CASD1: variants seen among roughly 807,000 people sequenced by gnomAD.
The protein encoded by CASD1 is N-acetylneuraminate (7)9-O-acetyltransferase.
Under a neutral mutation model 100.0 loss-of-function variants are expected in CASD1, and 41 were observed. That is an observed-to-expected ratio of 0.41 (90% CI 0.32 to 0.53). The LOEUF (loss-of-function observed/expected upper bound fraction) is 0.53. Ranked by LOEUF, CASD1 falls within the 20% of genes least tolerant of loss-of-function variation. The pLI, the probability that CASD1 is intolerant of heterozygous loss-of-function variation, is 0.25. For synonymous variants in CASD1, 321 were observed against 315.6 expected, an observed-to-expected ratio of 1.02 and a Z score of -0.18; for missense variants, 774 against 948.7, an observed-to-expected ratio of 0.82 and a Z score of 2.42.
rs1275682142 is a variant in CASD1, at chr7:94,539,061, GTATT to G, written c.1356+7_1356+10del. ...CACATTTCTGGAGCAAGTACAGTAA[GTATT>G]TGGAATTTAAGTTCAGAAAGTATAG... On this transcript the variant is annotated splice_donor_region_variant and intron_variant, in intron 10 of 17. Coordinates refer to ENST00000297273, the MANE Select transcript of CASD1 (RefSeq NM_022900.5). 1 of 1,555,954 alleles carries G rather than the reference GTATT, an allele frequency of 6.4e-7. No homozygotes were observed. The highest frequency in any genetic ancestry group is 1.7e-5 in the Admixed American group (1 of 59,358).
the CASD1 span, among the ~76,000 whole-genome samples, chr7:94,606,392 CATAATG>C: frequency 6.6e-6 from 1 of 152,180 alleles, no homozygotes; most frequent in African/African-American, 2.4e-5. Context: ...AAAGGCATTA[CATAATG>C]ATAAAGAGGT....
chr7:94,619,131 T>C, the CASD1 span: 1 of 613,694 alleles, frequency 1.6e-6, no homozygotes, highest in Non-Finnish European at 2.9e-6. Context: ...AAAACATAAC[T>C]GACATTAGAA....
the CASD1 span, among the ~76,000 whole-genome samples, chr7:94,606,109 G>A: frequency 0.013 from 1,916 of 152,212 alleles, 44 homozygotes; most frequent in African/African-American, 0.044. Context: ...GATTACAGGC[G>A]TGAGCTACCA....
At chr7:94,528,309 C>G in intron 5 of CASD1, 59 bp downstream of exon 5, 1 of 1,230,758 alleles carries the variant, frequency 8.1e-7, no homozygotes, top group South Asian at 1.3e-5. Flanking sequence ...TTTACACAAG[C>G]ATATTTTTAT....
At chr7:94,586,213 A>G in the CASD1 span, among the ~76,000 whole-genome samples, 1 of 152,142 alleles carries the variant, frequency 6.6e-6, no homozygotes, top group Non-Finnish European at 1.5e-5. Context: ...TGACATGTGC[A>G]TAATGTTCTG....
the CASD1 span, among the ~76,000 whole-genome samples, chr7:94,613,103 G>C: frequency 6.6e-6 from 1 of 152,138 alleles, no homozygotes; most frequent in East Asian, 1.9e-4. Context: ...TGAATGAAAA[G>C]CATTATACCA....
the CASD1 span, chr7:94,626,558 C>T: frequency 6.6e-6 from 1 of 151,834 alleles, no homozygotes; most frequent in Non-Finnish European, 1.5e-5. Context: ...AGAAATATAA[C>T]AGTAATTTAT....
chr7:94,527,505 G>T (rs1165247306), intron 4 of CASD1, among the ~76,000 whole-genome samples: 2 of 151,908 alleles, frequency 1.3e-5, no homozygotes, highest in African/African-American at 2.4e-5. Flanking sequence ...GACAAAAATG[G>T]CCTTGACCTA....
At chr7:94,554,417 A>G in intron 16 of CASD1, 66 bp from the exon 17 acceptor site, 3 of 1,017,672 alleles carry the variant, frequency 2.9e-6, no homozygotes, top group Non-Finnish European at 2.9e-6. Flanking sequence ...ATTTAAAAGA[A>G]AGCTTTATAC....
At chr7:94,571,107 A>G in the CASD1 span, among the ~76,000 whole-genome samples, 4 of 151,166 alleles carry the variant, frequency 2.6e-5, no homozygotes, top group Non-Finnish European at 4.4e-5. Flanking sequence ...GCAATAGTGC[A>G]ATCACAGCTC....
chr7:94,613,854 A>G, the CASD1 span, among the ~76,000 whole-genome samples: 1 of 152,172 alleles, frequency 6.6e-6, no homozygotes, highest in African/African-American at 2.4e-5. Context: ...AAGCAGCAGC[A>G]CAAAACTTCC....
rs1360245827 is a variant in CASD1 at position 94,551,388 on chromosome 7, G to A, written c.1866G>A (p.Lys622=). 3 of 1,557,604 alleles carry A rather than the reference G, an allele frequency of 1.9e-6. No individual in the cohort carries two copies. The highest frequency in any genetic ancestry group is 1.4e-5 in the African/African-American group (1 of 70,912). The change falls in exon 15 of 18, where the codon AAG becomes AAA. Residue 622 remains lysine, a synonymous_variant. Coordinates refer to ENST00000297273, the MANE Select transcript of CASD1 (RefSeq NM_022900.5). ...CTTTTATTTATCTGGCTTTGCAGAA[G>A]CGTCAAATACTTTCTGAAGGAAAGG... ...LFAFIYLALQ[K]RQILSEGKGE... is the part of the protein sequence containing the mutation.
At chr7:94,572,339 T>TTAAA in the CASD1 span, among the ~76,000 whole-genome samples, 2 of 152,228 alleles carry the variant, frequency 1.3e-5, no homozygotes, top group Non-Finnish European at 2.9e-5. Flanking sequence ...CACTTTCAAC[T>TTAAA]TATTTGAGTC....
the CASD1 span, among the ~76,000 whole-genome samples, chr7:94,573,436 C>T: frequency 6.6e-6 from 1 of 152,074 alleles, no homozygotes. Context: ...TTGTAGAGAT[C>T]TTTCACCTCC....
At chr7:94,593,579 T>C in the CASD1 span, among the ~76,000 whole-genome samples, 1 of 152,088 alleles carries the variant, frequency 6.6e-6, no homozygotes, top group East Asian at 1.9e-4. Flanking sequence ...GACTACAAAA[T>C]AACATTTTTT....
At chr7:94,633,604 C>T in the CASD1 span, among the ~76,000 whole-genome samples, 6 of 151,956 alleles carry the variant, frequency 3.9e-5, no homozygotes. Flanking sequence ...AATCAAATAA[C>T]AGACCACGAA....
chr7:94,569,546 C>G, the CASD1 span, among the ~76,000 whole-genome samples: 1 of 151,966 alleles, frequency 6.6e-6, no homozygotes, highest in Non-Finnish European at 1.5e-5. Flanking sequence ...CCTCAACCTC[C>G]TGGGCTCAAG....
Position 94,509,836 on chromosome 7 carries a change from A to G in CASD1, c.-249A>G. On this transcript the variant is annotated 5_prime_UTR_variant, in exon 1 of 18. Coordinates refer to ENST00000297273, the MANE Select transcript of CASD1 (RefSeq NM_022900.5). ...GACAGGCGTCCAGGGCGCCTGGGGA[A>G]CCGGCACGGCGGAGCAGCGGCGGCG... is the stretch of plus-strand genomic sequence containing the variant. 3 of 860,732 alleles carry G rather than the reference A, an allele frequency of 3.5e-6. No individual in the cohort carries two copies. The highest frequency in any genetic ancestry group is 4.2e-6 in the Non-Finnish European group (3 of 717,724). 53.3% of individuals were successfully genotyped at this position (860,732 alleles called of 1,614,324 possible).
chr7:94,603,732 C>T, the CASD1 span, among the ~76,000 whole-genome samples: 1 of 152,004 alleles, frequency 6.6e-6, no homozygotes, highest in Non-Finnish European at 1.5e-5. Context: ...TATTTTCATT[C>T]AATATAAACA....
Sources: gnomAD v4.1 joint callset for allele counts (sites outside exome capture counted in the v4.1 genomes callset) on GRCh38, gnomAD v4.1.1 for gene constraint, MANE v1.5 for transcripts, NCBI Gene and HGNC (gene_info 2026-07-23, HGNC 2026-07-21) for gene names.